The following KIRREL3 variants were observed in gnomAD, a reference collection of about 807,000 sequenced individuals.
KIRREL3 encodes the protein kin of IRRE-like protein 3.
A neutral mutation model predicts 89.7 loss-of-function variants in KIRREL3; 36 were observed. The observed-to-expected ratio is 0.40, with a 90% confidence interval of 0.31 to 0.53. The LOEUF is 0.53. KIRREL3 is among the 20% of genes least tolerant of loss of function. The probability of loss-of-function intolerance (pLI) is 0.49; values close to 1 mark genes in which losing one functional copy is unlikely to be tolerated. For synonymous variants in KIRREL3, 445 were observed against 441.4 expected, an observed-to-expected ratio of 1.01 and a Z score of -0.10; for missense variants, 864 against 1,056.6, an observed-to-expected ratio of 0.82 and a Z score of 2.53.
rs1951269170 is a variant in KIRREL3, at chr11:126,808,308, C to A, written c.55+192147G>T. On this transcript the variant is annotated intron_variant, in intron 1 of 16. Coordinates refer to ENST00000525144, the MANE Select transcript of KIRREL3 (RefSeq NM_032531.4). The surrounding 1 kb of genome is among the most constrained non-coding windows in gnomAD (Gnocchi z 4.1). The stretch of plus-strand genomic sequence containing the variant: ...ACTTCTTTTCCAGGAGGCTCCATGA[C>A]CTGTTTTTGGCAAGCTACAATGGGG... Among the ~76,000 whole-genome samples, 3 of 152,104 alleles carry A rather than the reference C, an allele frequency of 2.0e-5. No individual in the cohort carries two copies. The highest frequency in any genetic ancestry group is 2.0e-4 in the Admixed American group (3 of 15,266).
In KIRREL3 at chr11:126,473,225, A is replaced by C. The variant is rs1221713674; in HGVS notation, c.591+84T>G. On this transcript the variant is annotated intron_variant, in intron 5 of 16. Coordinates refer to ENST00000525144, the MANE Select transcript of KIRREL3 (RefSeq NM_032531.4). ...CCCCTCCTTACCTAGCCTCCTCCCC[A>C]TCAACTCCCTGTCCACCTAGCCCCC... The C allele has an allele frequency of 3.9e-5, 23 of 591,940 alleles. No homozygotes were observed. The Admixed American group carries it at 4.4e-4, about 11-fold the overall frequency. 36.7% of individuals were successfully genotyped at this position (591,940 alleles called of 1,614,324 possible).
intron 1 of KIRREL3, among the ~76,000 whole-genome samples, chr11:126,929,839 G>A (rs573027174): frequency 1.3e-5 from 2 of 152,080 alleles, no homozygotes; most frequent in African/African-American, 4.8e-5. Context: ...GCTCCTCTGC[G>A]CTCTCTTTCC....
intron 1 of KIRREL3, among the ~76,000 whole-genome samples, chr11:126,874,117 A>G (rs867242233): frequency 1.3e-5 from 2 of 152,236 alleles, no homozygotes; most frequent in South Asian, 4.1e-4. Context: ...CTGGCCTGAT[A>G]GCATTTGCCA....
At chr11:126,821,795 AG>A (rs1031027457) in intron 1 of KIRREL3, among the ~76,000 whole-genome samples, 5 of 152,110 alleles carry the variant, frequency 3.3e-5, no homozygotes, top group African/African-American at 7.2e-5. Context: ...AGGGTGCAAA[AG>A]ATCCCACCAG....
At chr11:126,567,365 C>T (rs1377621038) in intron 1 of KIRREL3, among the ~76,000 whole-genome samples, 9 of 152,156 alleles carry the variant, frequency 5.9e-5, no homozygotes, top group Admixed American at 3.3e-4. Flanking sequence ...TGGGACAGAT[C>T]CTTCCCTCCC....
rs2134341408 is a variant in KIRREL3 at position 126,492,541 on chromosome 11, GGAA to G, written c.434-19078_434-19076del. ...GCTAGGGGAGCATGGGGCTGGAGTG[GGAA>G]GGAGGAGGAGGAGGGATGAGGCTGC... is the stretch of plus-strand genomic sequence containing the variant. On this transcript the variant is annotated intron_variant, in intron 4 of 16. Transcript: ENST00000525144. This position sits in a 1 kb window ranked among gnomAD's most constrained non-coding sequence, Gnocchi z 4.8. 6.6e-6 allele frequency among the ~76,000 whole-genome samples: 1 copy of G among 152,310 alleles called. No individual in the cohort carries two copies. The highest frequency in any genetic ancestry group is 2.1e-4 in the South Asian group (1 of 4,832).
At chr11:126,828,646 C>T (rs957540158) in intron 1 of KIRREL3, among the ~76,000 whole-genome samples, 1 of 152,140 alleles carries the variant, frequency 6.6e-6, no homozygotes, top group Non-Finnish European at 1.5e-5. Context: ...CTTAGGTCTG[C>T]ATCCCTGTCC....
chr11:126,437,890 A>G (rs1955418972), intron 11 of KIRREL3, among the ~76,000 whole-genome samples: 1 of 152,116 alleles, frequency 6.6e-6, no homozygotes, highest in Non-Finnish European at 1.5e-5. Flanking sequence ...TATGACATAC[A>G]CACACACCAT....
intron 1 of KIRREL3, among the ~76,000 whole-genome samples, chr11:126,661,279 G>A (rs1050113249): frequency 1.6e-4 from 25 of 152,118 alleles, no homozygotes; most frequent in African/African-American, 5.8e-4. Flanking sequence ...AGTATTGTTT[G>A]GTTGTGTGTT....
At chr11:126,439,844 CA>C (rs903318581) in intron 11 of KIRREL3, among the ~76,000 whole-genome samples, 2 of 150,162 alleles carry the variant, frequency 1.3e-5, no homozygotes, top group Admixed American at 1.3e-4. Flanking sequence ...CAAACAAACC[CA>C]AAAAACACAC....
At chr11:126,588,096 T>C (rs1453764900) in intron 1 of KIRREL3, among the ~76,000 whole-genome samples, 1 of 152,180 alleles carries the variant, frequency 6.6e-6, no homozygotes, top group East Asian at 1.9e-4. Flanking sequence ...AACTCTCTAG[T>C]CTTAGTTTCC....
intron 4 of KIRREL3, among the ~76,000 whole-genome samples, chr11:126,480,048 C>T (rs1163572432): frequency 1.3e-5 from 2 of 152,198 alleles, no homozygotes; most frequent in South Asian, 2.1e-4. Flanking sequence ...GTGTCTCTTC[C>T]CTGAACCATG....
rs1282069551 is a variant in KIRREL3, at chr11:126,697,160, TC to T, written c.56-134249del. Among the ~76,000 whole-genome samples the T allele has an allele frequency of 2.6e-5, 4 of 152,242 alleles. No individual in the cohort carries two copies. The highest frequency in any genetic ancestry group is 4.4e-5 in the Non-Finnish European group (3 of 68,004). On this transcript the variant is annotated intron_variant, in intron 1 of 16. Coordinates refer to ENST00000525144, the MANE Select transcript of KIRREL3 (RefSeq NM_032531.4). This position sits in a 1 kb window ranked among gnomAD's most constrained non-coding sequence, Gnocchi z 4.2. ...AAGGCTTAGTCACTTCCTCCGCTGGTCCCCCAGACCTGTGTTCACCTGGCTC... is the reference window on the plus strand; with the variant it reads ...AAGGCTTAGTCACTTCCTCCGCTGGTCCCCAGACCTGTGTTCACCTGGCTC...
At chr11:126,497,203 AGT>A (rs1565500109) in intron 4 of KIRREL3, among the ~76,000 whole-genome samples, 10 of 35,662 alleles carry the variant, frequency 2.8e-4, no homozygotes, top group East Asian at 2.3e-3. Context: ...AGTGTGTGTG[AGT>A]GTGAGTGTGT....
intron 1 of KIRREL3, among the ~76,000 whole-genome samples, chr11:126,741,173 T>C (rs554206613): frequency 6.6e-6 from 1 of 152,334 alleles, no homozygotes; most frequent in African/African-American, 2.4e-5. Flanking sequence ...TCTTTGTTTG[T>C]GCTTCACCTT....
At position 126,653,707 on chromosome 11, in the gene KIRREL3, G is replaced by T. The variant is rs1450095765; in HGVS notation, c.56-90795C>A. ...GGCAATGAGAAACGGGAGGGGCTGC[G>T]TGAGACATGGCAAGGCTGAGGCCAA... On this transcript the variant is annotated intron_variant, in intron 1 of 16. Coordinates refer to ENST00000525144, the MANE Select transcript of KIRREL3 (RefSeq NM_032531.4). This position sits in a 1 kb window ranked among gnomAD's most constrained non-coding sequence, Gnocchi z 5.4. Among the ~76,000 whole-genome samples, 3 of 152,172 alleles carry T rather than the reference G, an allele frequency of 2.0e-5. No homozygotes were observed. In the South Asian group the frequency reaches 6.2e-4, roughly 31 times the overall value.
chr11:126,584,870 T>A (rs1224800377), intron 1 of KIRREL3, among the ~76,000 whole-genome samples: 3 of 152,166 alleles, frequency 2.0e-5, no homozygotes, highest in Non-Finnish European at 4.4e-5. Context: ...TGTAGAGCTC[T>A]CTGGAGTGCA....
chr11:126,915,974 C>G lies in KIRREL3; in HGVS notation c.55+84481G>C, dbSNP rs1947023400. On this transcript the variant is annotated intron_variant, in intron 1 of 16. Coordinates refer to ENST00000525144, the MANE Select transcript of KIRREL3 (RefSeq NM_032531.4). ...ATCTGCTCTCTTCGTGCAACCTCCC[C>G]CAGCCACAGAACAGTCTCCAGCACA... Among the ~76,000 whole-genome samples, 3 of 152,254 alleles carry G rather than the reference C, an allele frequency of 2.0e-5. 1 individual carries two copies. The highest frequency in any genetic ancestry group is 6.8e-3 in the Middle Eastern group (2 of 294).
chr11:126,901,776 C>T (rs1254282293), intron 1 of KIRREL3, among the ~76,000 whole-genome samples: 1 of 152,164 alleles, frequency 6.6e-6, no homozygotes, highest in East Asian at 1.9e-4. Context: ...GAAAATCATC[C>T]CTTCCTCACT....
Sources: allele counts gnomAD v4.1 joint callset (sites outside exome capture counted in the v4.1 genomes callset), GRCh38; gene constraint gnomAD v4.1.1; non-coding constraint Gnocchi (gnomAD v3.1); transcripts MANE v1.5; gene names NCBI Gene and HGNC (gene_info 2026-07-23, HGNC 2026-07-21).